CEP83: variants seen among roughly 807,000 people sequenced by gnomAD.
CEP83 encodes centrosomal protein of 83 kDa.
CEP83 carries 70 observed loss-of-function variants against 101.9 expected under a neutral mutation model. The observed-to-expected ratio is 0.69, with a 90% CI of 0.57 to 0.84. The LOEUF (loss-of-function observed/expected upper bound fraction) is 0.84, where lower values mean the gene tolerates loss of function less well. CEP83 is among the 40% of genes least tolerant of loss of function. CEP83 has a pLI of 0.00. For synonymous variants in CEP83, 264 were observed against 267.9 expected (o/e 0.99, Z 0.14); for missense variants, 715 against 787.2 (o/e 0.91, Z 1.10).
chr12:94,371,124 C>T (rs1013338884), intron 8 of CEP83, among the ~76,000 whole-genome samples: 9 of 152,188 alleles, frequency 5.9e-5, no homozygotes, highest in Non-Finnish European at 1.0e-4. Context: ...CTAAGCATTA[C>T]ATGTAGAGCA....
intron 6 of CEP83, among the ~76,000 whole-genome samples, chr12:94,393,289 G>A (rs1200816931): frequency 1.3e-5 from 2 of 152,198 alleles, no homozygotes; most frequent in Non-Finnish European, 2.9e-5. Context: ...GATCAAGCGG[G>A]CTTCATCCCT....
intron 2 of CEP83, among the ~76,000 whole-genome samples, chr12:94,413,985 G>A (rs959165861): frequency 6.6e-6 from 1 of 151,886 alleles, no homozygotes; most frequent in East Asian, 1.9e-4. Flanking sequence ...ATTCAGCCTT[G>A]CTTGAATTAT....
rs371417009 is a variant in CEP83, at chr12:94,389,083, C to T, written c.550-10041G>A. 2.1e-4 allele frequency among the ~76,000 whole-genome samples: 32 copies of T among 152,110 alleles called. No individual in the cohort carries two copies. The East Asian group carries it at 4.1e-3, about 19-fold the overall frequency. ...CAGAGGTTGCAGTGAGCCAAGATCG[C>T]GCCACTGCACTCCAGCCTGGGGAAC... On this transcript the variant is annotated intron_variant, in intron 6 of 16. Transcript: ENST00000397809.
chr12:94,430,701 A>C (rs1013197923), intron 2 of CEP83, among the ~76,000 whole-genome samples: 6 of 152,226 alleles, frequency 3.9e-5, no homozygotes, highest in African/African-American at 1.4e-4. Context: ...AAACCTACTT[A>C]ATGAAATAAC....
At chr12:94,434,641 G>A (rs2138251458) in intron 2 of CEP83, among the ~76,000 whole-genome samples, 1 of 152,290 alleles carries the variant, frequency 6.6e-6, no homozygotes, top group Admixed American at 6.5e-5. Context: ...TATGTAAAAT[G>A]CCTGGGACCA....
At chr12:94,304,889 G>C (rs138777199), downstream of CEP83, among the ~76,000 whole-genome samples, 14 of 152,330 alleles carry the variant, frequency 9.2e-5, no homozygotes, top group Non-Finnish European at 2.1e-4. Context: ...AATGCTTGCT[G>C]TGCTTGGAAT....
chr12:94,322,718 G>A (rs1202427981), intron 14 of CEP83, among the ~76,000 whole-genome samples: 1 of 152,204 alleles, frequency 6.6e-6, no homozygotes, highest in African/African-American at 2.4e-5. Flanking sequence ...CCTTAGAGCT[G>A]CTGCTCTGTA....
At chr12:94,359,945 A>G (rs1184366337) in intron 11 of CEP83, among the ~76,000 whole-genome samples, 2 of 152,200 alleles carry the variant, frequency 1.3e-5, no homozygotes, top group Non-Finnish European at 2.9e-5. Flanking sequence ...ATCAAGTTAG[A>G]TTTATCACAG....
chr12:94,343,953 T>C (rs911626165), intron 11 of CEP83, among the ~76,000 whole-genome samples: 1 of 152,162 alleles, frequency 6.6e-6, no homozygotes, highest in African/African-American at 2.4e-5. Flanking sequence ...CCAATATGAC[T>C]AGTGTCCTTA....
chr12:94,336,329 C>T (rs983973763), intron 11 of CEP83, among the ~76,000 whole-genome samples: 1 of 152,160 alleles, frequency 6.6e-6, no homozygotes, highest in East Asian at 1.9e-4. Context: ...GAAGACATTA[C>T]ACTAATTAGG....
intron 11 of CEP83, among the ~76,000 whole-genome samples, chr12:94,336,679 A>T (rs1372541749): frequency 2.0e-5 from 3 of 152,212 alleles, no homozygotes; most frequent in Non-Finnish European, 4.4e-5. Flanking sequence ...AGAAACGATA[A>T]ATCTAAAGAG....
intron 6 of CEP83, among the ~76,000 whole-genome samples, chr12:94,389,299 T>C (rs1391075315): frequency 6.6e-6 from 1 of 152,236 alleles, no homozygotes; most frequent in Non-Finnish European, 1.5e-5. Flanking sequence ...AACTTAAAAG[T>C]ATCTGTATAT....
At chr12:94,268,900 T>C in the CEP83 span, among the ~76,000 whole-genome samples, 1 of 152,142 alleles carries the variant, frequency 6.6e-6, no homozygotes, top group Non-Finnish European at 1.5e-5. Flanking sequence ...CGGCCGATAA[T>C]AAGACCTATT....
chr12:94,374,721 A>C (rs1162538403), intron 8 of CEP83, among the ~76,000 whole-genome samples: 1 of 152,214 alleles, frequency 6.6e-6, no homozygotes, highest in African/African-American at 2.4e-5. Context: ...TGAGACACAG[A>C]CTAGTCAATG....
chr12:94,308,868 TC>T lies in CEP83; in HGVS notation c.2050del (p.Glu684AsnfsTer10), dbSNP rs1565884265. 2 of 1,613,094 alleles carry T rather than the reference TC, an allele frequency of 1.2e-6. No individual in the cohort carries two copies. The highest frequency in any genetic ancestry group is 1.7e-6 in the Non-Finnish European group (2 of 1,179,196). On this transcript the variant is annotated frameshift_variant, in exon 17 of 17. Transcript: ENST00000397809. LOFTEE classifies it high-confidence loss of function. Reference protein sequence around the residue: ...ELSLLRKRLEELETTQRKQLE... With the variant: ...ELSLLRKRLEXLETTQRKQLE... ...TTGTTTTCTTTGTGTTGTTTCCAGT[TC>T]TTCTAGTCTTTTGCGAAGTAGAGAG...
the CEP83 span, among the ~76,000 whole-genome samples, chr12:94,291,964 A>G: frequency 6.6e-6 from 1 of 152,190 alleles, no homozygotes; most frequent in Non-Finnish European, 1.5e-5. Flanking sequence ...TAGACACTTC[A>G]TATCAATAGG....
At chr12:94,296,999 C>T in the CEP83 span, among the ~76,000 whole-genome samples, 1 of 152,188 alleles carries the variant, frequency 6.6e-6, no homozygotes, top group Non-Finnish European at 1.5e-5. Flanking sequence ...CCTCACCCGT[C>T]CCATCTTCAC....
chr12:94,331,873 T>C, intron 13 of CEP83, 44 bp from the exon 14 acceptor site: 1 of 1,571,162 alleles, frequency 6.4e-7, no homozygotes, highest in South Asian at 1.1e-5. Flanking sequence ...AAATAAGTTC[T>C]TAGGATTAAA....
chr12:94,376,469 G>C (rs1487608035), intron 7 of CEP83, among the ~76,000 whole-genome samples: 1 of 151,710 alleles, frequency 6.6e-6, no homozygotes, highest in Non-Finnish European at 1.5e-5. Context: ...AAAAGAAACA[G>C]GGAAAGATAT....
Sources: allele counts gnomAD v4.1 joint callset (sites outside exome capture counted in the v4.1 genomes callset), GRCh38; gene constraint gnomAD v4.1.1; transcripts MANE v1.5; gene names NCBI Gene and HGNC (gene_info 2026-07-23, HGNC 2026-07-21).